TM9SF3: variants seen among roughly 807,000 people sequenced by gnomAD.
TM9SF3 encodes the protein transmembrane 9 superfamily member 3.
Under a neutral mutation model 78.6 loss-of-function variants are expected in TM9SF3, and 14 were observed. That is an observed-to-expected ratio of 0.18 (90% CI 0.12 to 0.28). The LOEUF (loss-of-function observed/expected upper bound fraction) is 0.28, where lower values mean the gene tolerates loss of function less well. Among genes scored for constraint, TM9SF3 ranks in the 10% least tolerant of loss-of-function variants. The pLI, the probability that TM9SF3 is intolerant of heterozygous loss-of-function variation, is 1.00. For synonymous variants in TM9SF3, 231 were observed against 241.7 expected (o/e 0.96, Z 0.41); for missense variants, 496 against 721.9 (o/e 0.69, Z 3.59).
intron 5 of TM9SF3, among the ~76,000 whole-genome samples, chr10:96,559,286 A>G (rs917262503): frequency 1.3e-5 from 2 of 152,250 alleles, no homozygotes; most frequent in Non-Finnish European, 2.9e-5. Flanking sequence ...AGTAGTAAGA[A>G]GCCCACTTGA....
chr10:96,532,275 A>C (rs1305486084), intron 10 of TM9SF3, among the ~76,000 whole-genome samples: 1 of 151,892 alleles, frequency 6.6e-6, no homozygotes, highest in Non-Finnish European at 1.5e-5. Flanking sequence ...TTCTAACTAA[A>C]GTCTCTCATA....
At chr10:96,528,295 G>T in intron 11 of TM9SF3, 118 bp from the exon 12 acceptor site, 1 of 984,242 alleles carries the variant, frequency 1.0e-6, no homozygotes, top group Non-Finnish European at 1.4e-6. Flanking sequence ...TTTCTTTCAA[G>T]TATCTTCCAA....
In TM9SF3 at chr10:96,576,618, A is replaced by AAG. The variant is rs1564940761; in HGVS notation, c.298+15_298+16insCT. On this transcript the variant is annotated intron_variant, in intron 2 of 14. Transcript: ENST00000371142. ...CAATCCAAATTGCATTGTAAGGACT[A>AAG]TTAAGGTTTACTTACCTTTAAATTT... 1 of 1,568,084 alleles carries AAG rather than the reference A, an allele frequency of 6.4e-7. No homozygotes were observed. Among genetic ancestry groups the AAG allele is most frequent in the Admixed American group, 2.0e-5 (1 of 49,838 alleles).
Position 96,565,404 on chromosome 10 carries a change from G to A in TM9SF3, c.321C>T (p.Tyr107=), listed in dbSNP as rs1055452314. Residue 107 remains tyrosine, a synonymous_variant, in exon 3 of 15, where the codon TAC becomes TAT. Coordinates refer to ENST00000371142, the MANE Select transcript of TM9SF3 (RefSeq NM_020123.4). ...TTTCTTTATCTAAATCAATTTCACA[G>A]TAAGTGGCTGGCATCACATCATCTG... is the stretch of plus-strand genomic sequence containing the variant. The part of the protein sequence containing the change: ...KFKDDVMPAT[Y]CEIDLDKEKR... 3 of 1,552,218 alleles carry A rather than the reference G, an allele frequency of 1.9e-6. No individual in the cohort carries two copies. The highest frequency in any genetic ancestry group is 2.8e-5 in the African/African-American group (2 of 70,274).
At chr10:96,565,741 C>CA (rs962091593) in intron 2 of TM9SF3, among the ~76,000 whole-genome samples, 1 of 151,730 alleles carries the variant, frequency 6.6e-6, no homozygotes, top group African/African-American at 2.4e-5. Context: ...ATTTTAAAAA[C>CA]AAAAAAAGCT....
chr10:96,549,369 C>T (rs751182347), intron 7 of TM9SF3, among the ~76,000 whole-genome samples: 16 of 151,936 alleles, frequency 1.1e-4, no homozygotes, highest in African/African-American at 3.4e-4. Context: ...TTTTCATTTC[C>T]GTAACATAGC....
intron 12 of TM9SF3, among the ~76,000 whole-genome samples, chr10:96,527,808 C>T: frequency 6.6e-6 from 1 of 151,984 alleles, no homozygotes; most frequent in East Asian, 1.9e-4. Flanking sequence ...ATATCAAGCA[C>T]TTTGTAAAAA....
intron 11 of TM9SF3, 25 bp from the exon 12 acceptor site, chr10:96,528,202 G>T (rs761322325): frequency 5.6e-6 from 9 of 1,594,394 alleles, no homozygotes; most frequent in South Asian, 1.1e-5. Flanking sequence ...TAAAGACACA[G>T]GTTTCCAGTC....
intron 10 of TM9SF3, among the ~76,000 whole-genome samples, chr10:96,530,856 T>C (rs1400664848): frequency 6.6e-6 from 1 of 152,206 alleles, no homozygotes; most frequent in Non-Finnish European, 1.5e-5. Context: ...CACAAATTAC[T>C]GACACTGGCA....
At chr10:96,567,084 C>CTTTTTT (rs5787198) in intron 2 of TM9SF3, among the ~76,000 whole-genome samples, 3 of 124,844 alleles carry the variant, frequency 2.4e-5, no homozygotes, top group African/African-American at 6.1e-5. Context: ...TGTATAAAGC[C>CTTTTTT]TTTTTTTTTT....
chr10:96,552,330 T>C (rs1848180682), intron 6 of TM9SF3, among the ~76,000 whole-genome samples: 1 of 152,062 alleles, frequency 6.6e-6, no homozygotes, highest in African/African-American at 2.4e-5. Flanking sequence ...GTTCCTGTAT[T>C]CCTAGCTACT....
intron 10 of TM9SF3, among the ~76,000 whole-genome samples, chr10:96,531,058 T>C (rs1386476100): frequency 6.6e-6 from 1 of 152,210 alleles, no homozygotes; most frequent in African/African-American, 2.4e-5. Flanking sequence ...GGTTCTATAA[T>C]TCCTTTTCCT....
chr10:96,531,969 G>C (rs960384202), intron 10 of TM9SF3, among the ~76,000 whole-genome samples: 4 of 152,140 alleles, frequency 2.6e-5, no homozygotes, highest in African/African-American at 9.7e-5. Context: ...CCAGCACTTT[G>C]GGAGACCGAG....
Position 96,565,297 on chromosome 10 carries a change from T to C in TM9SF3, c.421+7A>G. 10 of 1,535,500 alleles carry C rather than the reference T, an allele frequency of 6.5e-6. No individual in the cohort carries two copies. Among genetic ancestry groups the C allele is most frequent in the Non-Finnish European group, 8.7e-6 (10 of 1,153,338 alleles). ...CCCAAATCTTAAATACAACATACAA[T>C]ACTTACCCCATATTGGTAAATCATC... is the stretch of plus-strand genomic sequence containing the variant. On this transcript the variant is annotated splice_region_variant and intron_variant, in intron 3 of 14. Transcript: ENST00000371142.
rs1847762265 is a variant in TM9SF3 at position 96,521,101 on chromosome 10, T to C, written c.*1162A>G. On this transcript the variant is annotated 3_prime_UTR_variant, in exon 15 of 15. Transcript: ENST00000371142. ...CTCTAAATTACAAATTTGGCTCCTG[T>C]AGGAGTCTCAGAAAATAAACAGAAG... 2.6e-6 allele frequency: 1 copy of C among 384,672 alleles called. No homozygotes were observed. The highest frequency in any genetic ancestry group is 4.5e-5 in the Admixed American group (1 of 22,264). The allele number at this position is 384,672 out of a possible 1,614,324, so 23.8% of individuals were successfully genotyped here. A position where few individuals can be genotyped will look rare whatever the true frequency, so the allele number is the denominator to read the frequency against.
At chr10:96,551,180 G>T (rs1377823428) in intron 7 of TM9SF3, 65 bp downstream of exon 7, 2 of 1,292,448 alleles carry the variant, frequency 1.5e-6, no homozygotes, top group Non-Finnish European at 2.1e-6. Context: ...TGACTTAAAA[G>T]ATTCCAGTGA....
chr10:96,559,745 A>G lies in TM9SF3; in HGVS notation c.583-9T>C. On this transcript the variant is annotated splice_polypyrimidine_tract_variant and intron_variant, in intron 4 of 14. Coordinates refer to ENST00000371142, the MANE Select transcript of TM9SF3 (RefSeq NM_020123.4). ...GACTTTTTCCATTTTACCTAAAAAA[A>G]ATTTTTTCATTTGAAAATAAAGGCC... 4.5e-6 allele frequency: 7 copies of G among 1,540,872 alleles called. No homozygotes were observed. Among genetic ancestry groups the G allele is most frequent in the South Asian group, 1.2e-5 (1 of 82,080 alleles).
intron 2 of TM9SF3, 152 bp from the exon 3 acceptor site, chr10:96,565,578 G>T: frequency 1.3e-6 from 1 of 785,542 alleles, no homozygotes; most frequent in Non-Finnish European, 1.9e-6. Flanking sequence ...TGGGTTCAGT[G>T]TACTATTCCT....
intron 10 of TM9SF3, among the ~76,000 whole-genome samples, chr10:96,531,883 A>T (rs1346943821): frequency 6.6e-6 from 1 of 151,964 alleles, no homozygotes. Flanking sequence ...ATGGGTCCTA[A>T]CATACTGATT....
Sources: allele counts gnomAD v4.1 joint callset (sites outside exome capture counted in the v4.1 genomes callset), GRCh38; gene constraint gnomAD v4.1.1; transcripts MANE v1.5; gene names NCBI Gene and HGNC (gene_info 2026-07-23, HGNC 2026-07-21).